The following RGS7 variants were observed in gnomAD, a reference collection of about 807,000 sequenced individuals.
The protein encoded by RGS7 is regulator of G-protein signaling 7.
RGS7 carries 27 observed loss-of-function variants against 81.1 expected under a neutral mutation model. The observed-to-expected ratio is 0.33, with a 90% CI of 0.25 to 0.46. The LOEUF (loss-of-function observed/expected upper bound fraction) is 0.46. Ranked by LOEUF, RGS7 falls within the 20% of genes least tolerant of loss-of-function variation. The pLI, the probability that RGS7 is intolerant of heterozygous loss-of-function variation, is 1.00. For synonymous variants in RGS7, 208 were observed against 207.7 expected (o/e 1.00, Z -0.01); for missense variants, 396 against 607.4 (o/e 0.65, Z 3.66).
rs376777276 is a variant in RGS7, at chr1:240,982,252, T to A, written c.226+827A>T. Among the ~76,000 whole-genome samples, 55 of 151,910 alleles carry A rather than the reference T, an allele frequency of 3.6e-4. 1 individual carries two copies. Among genetic ancestry groups the A allele is most frequent in the African/African-American group, 8.7e-4 (36 of 41,456 alleles). Reference sequence around the variant, plus strand: ...CTGGCCAACATGGTGAAACCCCGACTCTACTAAAAATACAAAAAAATTAGC... The same window carrying A: ...CTGGCCAACATGGTGAAACCCCGACACTACTAAAAATACAAAAAAATTAGC... On this transcript the variant is annotated intron_variant, in intron 4 of 18. Coordinates refer to ENST00000440928, the MANE Select transcript of RGS7 (RefSeq NM_001364886.1).
At chr1:241,016,567 AC>A (rs1435578900) in intron 3 of RGS7, among the ~76,000 whole-genome samples, 9 of 143,760 alleles carry the variant, frequency 6.3e-5, no homozygotes, top group Non-Finnish European at 8.9e-5. Flanking sequence ...AACCAAACAA[AC>A]AAAAAAAAAA....
intron 4 of RGS7, among the ~76,000 whole-genome samples, chr1:240,937,718 G>C (rs1358967495): frequency 6.6e-6 from 1 of 152,178 alleles, no homozygotes; most frequent in Non-Finnish European, 1.5e-5. Context: ...AGTACCATCA[G>C]TAATGTTTCT....
chr1:240,788,026 A>G (rs559791824), intron 18 of RGS7, among the ~76,000 whole-genome samples: 2 of 152,320 alleles, frequency 1.3e-5, no homozygotes, highest in East Asian at 1.9e-4. Flanking sequence ...ACTGGAACAC[A>G]TGTACAAAGT....
At chr1:241,214,379 A>T (rs2074428143) in intron 2 of RGS7, among the ~76,000 whole-genome samples, 1 of 152,088 alleles carries the variant, frequency 6.6e-6, no homozygotes, top group African/African-American at 2.4e-5. Context: ...CAATTGTATA[A>T]GCTAGTTTAA....
chr1:241,205,496 T>C (rs972265887), intron 2 of RGS7, among the ~76,000 whole-genome samples: 27 of 151,964 alleles, frequency 1.8e-4, no homozygotes, highest in African/African-American at 5.3e-4. Flanking sequence ...AGTCTTGTTC[T>C]GTTGTCTAGG....
intron 2 of RGS7, among the ~76,000 whole-genome samples, chr1:241,171,936 T>C (rs779047161): frequency 5.3e-5 from 8 of 152,238 alleles, no homozygotes; most frequent in Non-Finnish European, 1.0e-4. Flanking sequence ...TTCAATGGGC[T>C]GTTTGATATT....
chr1:241,349,573 T>C (rs1278475843), intron 2 of RGS7, among the ~76,000 whole-genome samples: 2 of 152,168 alleles, frequency 1.3e-5, no homozygotes, highest in African/African-American at 4.8e-5. Context: ...ACAAAGGGCA[T>C]TAAAAAGAAG....
chr1:241,280,805 T>C (rs190907263), intron 2 of RGS7, among the ~76,000 whole-genome samples: 10 of 152,356 alleles, frequency 6.6e-5, no homozygotes, highest in Admixed American at 3.9e-4. Context: ...GCACCTGGCA[T>C]GTGTGCAAGA....
At chr1:240,806,544 ATAAAAATATTT>A (rs1361904281) in intron 14 of RGS7, among the ~76,000 whole-genome samples, 1 of 148,832 alleles carries the variant, frequency 6.7e-6, no homozygotes, top group East Asian at 1.9e-4. Context: ...AAAAATATTA[ATAAAAATATTT>A]TAAAAATATA....
chr1:241,127,530 C>T (rs55855116), intron 2 of RGS7, among the ~76,000 whole-genome samples: 26 of 151,946 alleles, frequency 1.7e-4, no homozygotes, highest in Non-Finnish European at 2.6e-4. Flanking sequence ...CATCACACAC[C>T]GGGGACTGTT....
At chr1:241,047,677 T>C (rs114305001) in intron 3 of RGS7, among the ~76,000 whole-genome samples, 1 of 151,600 alleles carries the variant, frequency 6.6e-6, no homozygotes, top group African/African-American at 2.4e-5. Flanking sequence ...TGAATATTCA[T>C]GCCATTGCAA....
intron 2 of RGS7, among the ~76,000 whole-genome samples, chr1:241,220,738 T>TA (rs1417629889): frequency 1.3e-5 from 2 of 151,838 alleles, no homozygotes; most frequent in African/African-American, 4.8e-5. Flanking sequence ...TCTTTTGCAA[T>TA]AAAAAAGAGA....
chr1:240,943,819 T>C (rs16841107), intron 4 of RGS7, among the ~76,000 whole-genome samples: 12,600 of 152,008 alleles, frequency 0.083, 989 homozygotes, highest in African/African-American at 0.2. Flanking sequence ...CCTGCCTGCT[T>C]TAGAGGAGGA....
In RGS7 at chr1:241,087,968, CTCTCTCTCTA is replaced by C. The variant is rs1213026139; in HGVS notation, c.175+10688_175+10697del. On this transcript the variant is annotated intron_variant, in intron 3 of 18. Transcript: ENST00000440928. ...CATCTCTCTCTCTCTCTCTCTCTCTCTCTCTCTCTATATATATATATATATATACACACAC... is the reference window on the plus strand; with the variant it reads ...CATCTCTCTCTCTCTCTCTCTCTCTCTATATATATATATATATACACACAC... Among the ~76,000 whole-genome samples, 228 of 87,322 alleles carry C rather than the reference CTCTCTCTCTA, an allele frequency of 2.6e-3. 1 individual carries two copies. The highest frequency in any genetic ancestry group is 9.3e-3 in the African/African-American group (218 of 23,394). The allele number at this position is 87,322 out of a possible 152,430, so 57.3% of individuals were successfully genotyped here. A position where few individuals can be genotyped will look rare whatever the true frequency, so the allele number is the denominator to read the frequency against.
chr1:241,244,672 C>T (rs1270478491), intron 2 of RGS7, among the ~76,000 whole-genome samples: 1 of 152,002 alleles, frequency 6.6e-6, no homozygotes, highest in Non-Finnish European at 1.5e-5. Context: ...TTTATTGTGG[C>T]ACTATTCACA....
intron 2 of RGS7, among the ~76,000 whole-genome samples, chr1:241,326,540 A>C (rs192762481): frequency 6.6e-6 from 1 of 152,224 alleles, no homozygotes; most frequent in East Asian, 1.9e-4. Context: ...ATTTACCTAC[A>C]TTATTATTTG....
intron 2 of RGS7, among the ~76,000 whole-genome samples, chr1:241,134,294 C>G (rs375930354): frequency 7.2e-5 from 11 of 152,102 alleles, no homozygotes; most frequent in African/African-American, 2.4e-4. Flanking sequence ...ATATGGAAAC[C>G]AAGAAACCAA....
chr1:241,128,285 A>G (rs1178337622), intron 2 of RGS7, among the ~76,000 whole-genome samples: 2 of 139,220 alleles, frequency 1.4e-5, no homozygotes, highest in African/African-American at 5.4e-5. Context: ...TCAAAAAAAA[A>G]AAAAAGTTCA....
intron 2 of RGS7, among the ~76,000 whole-genome samples, chr1:241,276,899 T>G (rs1284092798): frequency 6.6e-6 from 1 of 152,044 alleles, no homozygotes; most frequent in African/African-American, 2.4e-5. Context: ...CAGGCGACAG[T>G]TAAAAATAAA....
Sources: allele counts gnomAD v4.1 joint callset (sites outside exome capture counted in the v4.1 genomes callset), GRCh38; gene constraint gnomAD v4.1.1; transcripts MANE v1.5; gene names NCBI Gene and HGNC (gene_info 2026-07-23, HGNC 2026-07-21).